Variants in ZNF714 observed in about 807,000 individuals in gnomAD.
The protein encoded by ZNF714 is zinc finger protein 714.
Under a neutral mutation model 46.2 loss-of-function variants are expected in ZNF714, and 32 were observed. The ratio of observed to expected loss-of-function variants is 0.69; its 90% CI spans 0.52 to 0.93. The LOEUF is 0.93. ZNF714 is among the 40% of genes least tolerant of loss of function. The pLI is 0.00. For missense variants in ZNF714, 635 were observed against 646.3 expected (o/e 0.98, Z 0.19); for synonymous variants, 199 against 213.1 (o/e 0.93, Z 0.58).
In ZNF714 at chr19:21,098,215, G is replaced by A. The variant is rs1168219686; in HGVS notation, c.-54G>A. The A allele has an allele frequency of 6.2e-7, 1 of 1,612,574 alleles. No homozygotes were observed. Among genetic ancestry groups the A allele is most frequent in the South Asian group, 1.1e-5 (1 of 90,716 alleles). ...GTTGACATTTAGGGATGTGGCCATA[G>A]AATTCTCTCTGGAGGAGTGGGAATG... On this transcript the variant is annotated 5_prime_UTR_variant, in exon 3 of 5. It removes the in-frame stop codon of an upstream open reading frame in the 5' UTR. Transcript: ENST00000456283.
intron 4 of ZNF714, among the ~76,000 whole-genome samples, chr19:21,100,925 G>A (rs1248863071): frequency 6.6e-6 from 1 of 152,074 alleles, no homozygotes; most frequent in African/African-American, 2.4e-5. Context: ...TGGCCAGGCT[G>A]TTCTTGAAGT....
intron 4 of ZNF714, among the ~76,000 whole-genome samples, chr19:21,116,100 T>A (rs8106923): frequency 0.82 from 124,371 of 152,030 alleles, 52,861 homozygotes; most frequent in Middle Eastern, 0.93. Flanking sequence ...AGTTTTTATC[T>A]TGTAGCTTTC....
chr19:21,106,821 T>TG (rs1252041798), intron 4 of ZNF714, among the ~76,000 whole-genome samples: 1 of 151,938 alleles, frequency 6.6e-6, no homozygotes, highest in East Asian at 1.9e-4. Context: ...TTTTAGCTTA[T>TG]TTATGTATGT....
At chr19:21,100,403 A>C (rs898190657) in intron 4 of ZNF714, among the ~76,000 whole-genome samples, 3 of 151,718 alleles carry the variant, frequency 2.0e-5, no homozygotes, top group African/African-American at 7.3e-5. Context: ...CATAGATTAC[A>C]TGCCTGTAAT....
intron 2 of ZNF714, among the ~76,000 whole-genome samples, chr19:21,085,635 A>C (rs1599525664): frequency 6.6e-6 from 1 of 152,062 alleles, no homozygotes; most frequent in Admixed American, 6.5e-5. Flanking sequence ...GAGCCTACAA[A>C]AGGAGGTTAT....
chr19:21,120,498 ATAT>A lies in ZNF714; in HGVS notation c.*2168_*2170del, dbSNP rs1969686868. 2 of 152,002 alleles carry A rather than the reference ATAT, an allele frequency of 1.3e-5. No individual in the cohort carries two copies. Among genetic ancestry groups the A allele is most frequent in the South Asian group, 4.2e-4 (2 of 4,814 alleles). The allele number at this position is 152,002 out of a possible 1,614,324, so 9.4% of individuals were successfully genotyped here. A position where few individuals can be genotyped will look rare whatever the true frequency, so the allele number is the denominator to read the frequency against. On this transcript the variant is annotated 3_prime_UTR_variant, in exon 5 of 5. Transcript: ENST00000456283. ...GTGCATGAGGTTGGTGTTCAGAGTA[ATAT>A]TCTGCATTATGAAAAAACATTTAAT... is the stretch of plus-strand genomic sequence containing the variant.
Position 21,121,046 on chromosome 19 carries a change from T to G in ZNF714, c.*2714T>G, listed in dbSNP as rs1969695057. ...AAAAATTTTTTGTTGTTGTTGTTCT[T>G]GTTGTTGTTGAGACGGAGTCTCGCT... On this transcript the variant is annotated 3_prime_UTR_variant, in exon 5 of 5. Transcript: ENST00000456283. 1 of 152,082 alleles carries G rather than the reference T, an allele frequency of 6.6e-6. No individual in the cohort carries two copies. Among genetic ancestry groups the G allele is most frequent in the Admixed American group, 6.6e-5 (1 of 15,260 alleles). The allele number at this position is 152,082 out of a possible 1,614,324, so 9.4% of individuals were successfully genotyped here. A position where few individuals can be genotyped will look rare whatever the true frequency, so the allele number is the denominator to read the frequency against.
chr19:21,091,511 G>A (rs1169932182), intron 2 of ZNF714: 1 of 152,132 alleles, frequency 6.6e-6, no homozygotes, highest in Non-Finnish European at 1.5e-5. Flanking sequence ...ATACGCCTCT[G>A]ACAGAATCTG....
In ZNF714 at chr19:21,098,800, C is replaced by A; in HGVS notation, c.44-12C>A. 6.3e-7 allele frequency: 1 copy of A among 1,592,314 alleles called. No individual in the cohort carries two copies. Among genetic ancestry groups the A allele is most frequent in the South Asian group, 1.1e-5 (1 of 89,300 alleles). On this transcript the variant is annotated splice_polypyrimidine_tract_variant and intron_variant, in intron 3 of 4. Coordinates refer to ENST00000456283, the MANE Select transcript of ZNF714 (RefSeq NM_182515.4). ...ATATAAGCAAGATTTATGCTATTTA[C>A]TTTTAATAAAGCAGGTATTGCTGTC...
At chr19:21,095,470 A>T (rs891440062) in intron 2 of ZNF714, among the ~76,000 whole-genome samples, 28 of 148,982 alleles carry the variant, frequency 1.9e-4, no homozygotes, top group African/African-American at 4.0e-4. Flanking sequence ...TCCATCTTTT[A>T]TTTTTTTTTT....
At chr19:21,092,711 A>G (rs367747309) in intron 2 of ZNF714, among the ~76,000 whole-genome samples, 312 of 151,934 alleles carry the variant, frequency 2.1e-3, no homozygotes, top group African/African-American at 6.6e-3. Flanking sequence ...AAACAGGTAC[A>G]TTTTCTGTTT....
intron 1 of ZNF714, among the ~76,000 whole-genome samples, chr19:21,083,023 A>G (rs1253964589): frequency 6.9e-6 from 1 of 145,736 alleles, no homozygotes; most frequent in Non-Finnish European, 1.5e-5. Flanking sequence ...GTAATTTACT[A>G]AAAATGCACC....
chr19:21,099,006 G>T (rs1395024132), intron 4 of ZNF714, 96 bp downstream of exon 4: 1 of 756,770 alleles, frequency 1.3e-6, no homozygotes, highest in African/African-American at 1.8e-5. Context: ...GATTTGGGAA[G>T]CTGTTTTGCA....
At chr19:21,106,781 C>T (rs1458684684) in intron 4 of ZNF714, among the ~76,000 whole-genome samples, 1 of 151,904 alleles carries the variant, frequency 6.6e-6, no homozygotes, top group African/African-American at 2.4e-5. Flanking sequence ...GTTTATCTGC[C>T]TTTGTGTCAG....
intron 4 of ZNF714, among the ~76,000 whole-genome samples, chr19:21,105,502 G>A (rs1327988252): frequency 6.6e-6 from 1 of 152,000 alleles, no homozygotes; most frequent in African/African-American, 2.4e-5. Flanking sequence ...GTATAGTGTA[G>A]TTAAATATTT....
rs143313426 is a variant in ZNF714 at position 21,103,307 on chromosome 19, A to C, written c.142+4397A>C. On this transcript the variant is annotated intron_variant, in intron 4 of 4. Coordinates refer to ENST00000456283, the MANE Select transcript of ZNF714 (RefSeq NM_182515.4). The stretch of plus-strand genomic sequence containing the variant: ...GGTGGCTCACGCCTGTAATCCCAGC[A>C]CTTTGGAGGCTGAGGCAGGCAGCTC... Among the ~76,000 whole-genome samples the C allele has an allele frequency of 7.3e-3, 1,104 of 152,130 alleles. 16 individuals are homozygous for C. The highest frequency in any genetic ancestry group is 0.026 in the African/African-American group (1,076 of 41,506).
chr19:21,116,970 T>G lies in ZNF714; in HGVS notation c.306T>G (p.Tyr102Ter), dbSNP rs1201747302. 7.5e-7 allele frequency: 1 copy of G among 1,336,434 alleles called. No individual in the cohort carries two copies. Among genetic ancestry groups the G allele is most frequent in the African/African-American group, 2.4e-5 (1 of 41,340 alleles). 82.8% of individuals were successfully genotyped at this position (1,336,434 alleles called of 1,614,324 possible). Residue 102 changes from tyrosine to a stop codon, truncating the protein, a stop_gained, in exon 5 of 5, where the codon TAT becomes TAG. Coordinates refer to ENST00000456283, the MANE Select transcript of ZNF714 (RefSeq NM_182515.4). LOFTEE classifies it high-confidence loss of function. ...AGTGTAAGGTGTACAAAAAAGGTTA[T>G]AATGAACTAAACCAGTGTTTGACAA... ...VVECKVYKKG[Y>*]NELNQCLTTT... is the part of the protein sequence containing the mutation.
At chr19:21,086,010 A>G (rs543016178) in intron 2 of ZNF714, among the ~76,000 whole-genome samples, 1 of 152,194 alleles carries the variant, frequency 6.6e-6, no homozygotes, top group Non-Finnish European at 1.5e-5. Flanking sequence ...CAAGATTAGA[A>G]AGAAGGCAGG....
In ZNF714 at chr19:21,117,930, G is replaced by A; in HGVS notation, c.1266G>A (p.Glu422=). 1 of 1,612,974 alleles carries A rather than the reference G, an allele frequency of 6.2e-7. No homozygotes were observed. Among genetic ancestry groups the A allele is most frequent in the African/African-American group, 1.3e-5 (1 of 74,998 alleles). The change falls in exon 5 of 5, where the codon GAG becomes GAA. Residue 422 remains glutamate (E), a synonymous_variant. Transcript: ENST00000456283. ...LTKHKIIHTG[E]KLYKCEECGK... is the part of the protein sequence containing the mutation. ...AACATAAGATAATTCATACTGGAGA[G>A]AAACTCTACAAATGTGAAGAATGTG...
Sources: gnomAD v4.1 joint callset for allele counts (sites outside exome capture counted in the v4.1 genomes callset) on GRCh38, gnomAD v4.1.1 for gene constraint, MANE v1.5 for transcripts, NCBI Gene and HGNC (gene_info 2026-07-23, HGNC 2026-07-21) for gene names.